PCED1A: variants seen among roughly 807,000 people sequenced by gnomAD.
PCED1A encodes PC-esterase domain-containing protein 1A.
PCED1A carries 20 observed loss-of-function variants against 41.9 expected under a neutral mutation model. The ratio of observed to expected loss-of-function variants is 0.48; its 90% confidence interval spans 0.34 to 0.69. The LOEUF is 0.69. Ranked by LOEUF, PCED1A falls within the 30% of genes least tolerant of loss-of-function variation. PCED1A has a pLI of 0.01. For synonymous variants in PCED1A, 236 were observed against 241.3 expected, an observed-to-expected ratio of 0.98 and a Z score of 0.20; for missense variants, 498 against 602.1, an observed-to-expected ratio of 0.83 and a Z score of 1.81.
chr20:2,839,394 C>G, intron 2 of PCED1A, 123 bp from the exon 3 acceptor site: 2 of 888,958 alleles, frequency 2.2e-6, no homozygotes, highest in South Asian at 3.1e-5. Flanking sequence ...TTGACTTAGA[C>G]GCAGGAGAAA....
chr20:2,839,171 T>C (rs1194259326), intron 3 of PCED1A, 21 bp downstream of exon 3: 11 of 1,587,674 alleles, frequency 6.9e-6, no homozygotes, highest in Non-Finnish European at 9.4e-6. Context: ...ACCACTGACA[T>C]GGCCACCAAG....
In PCED1A at chr20:2,838,010, A is replaced by G. The variant is rs1011191897; in HGVS notation, c.841+222T>C. Among the ~76,000 whole-genome samples, 3 of 152,202 alleles carry G rather than the reference A, an allele frequency of 2.0e-5. No homozygotes were observed. Among genetic ancestry groups the G allele is most frequent in the African/African-American group, 7.2e-5 (3 of 41,438 alleles). On this transcript the variant is annotated intron_variant, in intron 6 of 7. Coordinates refer to ENST00000360652, the MANE Select transcript of PCED1A (RefSeq NM_022760.6). The surrounding 1 kb of genome is among the most constrained non-coding windows in gnomAD (Gnocchi z 5.8). ...TGTACAAGCTCCTTCAAGCACACAG[A>G]AATGACTACACAGCCAGACTGTAGA...
rs1227921829 is a variant in PCED1A at position 2,839,922 on chromosome 20, A to G, written c.-10T>C. ...ACAGACAGAAGACCATGCCGCCACC[A>G]GCAACGACAGGCTGCAGGGAGAGGC... is the stretch of plus-strand genomic sequence containing the variant. On this transcript the variant is annotated 5_prime_UTR_variant, in exon 2 of 8. Coordinates refer to ENST00000360652, the MANE Select transcript of PCED1A (RefSeq NM_022760.6). 1 of 1,610,158 alleles carries G rather than the reference A, an allele frequency of 6.2e-7. No homozygotes were observed. The highest frequency in any genetic ancestry group is 1.7e-5 in the Admixed American group (1 of 59,836).
At position 2,839,240 on chromosome 20, in the gene PCED1A, G is replaced by C. The variant is rs201526729; in HGVS notation, c.156C>G (p.Leu52=). 6.2e-7 allele frequency: 1 copy of C among 1,614,000 alleles called. No individual in the cohort carries two copies. Among genetic ancestry groups the C allele is most frequent in the South Asian group, 1.1e-5 (1 of 91,070 alleles). The change falls in exon 3 of 8, where the codon CTC becomes CTG. Residue 52 remains leucine (L), a synonymous_variant. Transcript: ENST00000360652. ...IQRAVYKDLV[L]LLQKDSLLTA... Reference sequence around the variant, plus strand: ...TGAGCAGTGAGTCTTTCTGGAGCAAGAGCACCAGGTCCTTGTACACAGCCC... The same window carrying C: ...TGAGCAGTGAGTCTTTCTGGAGCAACAGCACCAGGTCCTTGTACACAGCCC...
chr20:2,835,638 G>T lies in PCED1A; in HGVS notation c.1189C>A (p.Gln397Lys), dbSNP rs2088812064. 6.2e-7 allele frequency: 1 copy of T among 1,606,200 alleles called. No homozygotes were observed. The highest frequency in any genetic ancestry group is 8.5e-7 in the Non-Finnish European group (1 of 1,174,122). ...PPIPGPNPHGQHWGPVVHRGM... is the reference protein window; with the variant it reads ...PPIPGPNPHGKHWGPVVHRGM... The stretch of plus-strand genomic sequence containing the variant: ...CGGTGGACCACTGGGCCCCAGTGCT[G>T]ACCATGGGGATTAGGGCCAGGGATT... The change falls in exon 8 of 8, where the codon CAG becomes AAG. Residue 397 changes from glutamine (Q) to lysine (K), a missense_variant. Coordinates refer to ENST00000360652, the MANE Select transcript of PCED1A (RefSeq NM_022760.6).
At chr20:2,839,694 A>G in intron 2 of PCED1A, 95 bp downstream of exon 2, 1 of 1,534,578 alleles carries the variant, frequency 6.5e-7, no homozygotes, top group Non-Finnish European at 8.9e-7. Flanking sequence ...ACCAGAAGAC[A>G]GACAAGAGAT....
At position 2,835,474 on chromosome 20, in the gene PCED1A, T is replaced by C. The variant is rs1324820602; in HGVS notation, c.1353A>G (p.Thr451=). 2 of 1,610,102 alleles carry C rather than the reference T, an allele frequency of 1.2e-6. No individual in the cohort carries two copies. Among genetic ancestry groups the C allele is most frequent in the African/African-American group, 1.3e-5 (1 of 74,900 alleles). ...LDRRPPAHSG[T]WPG ...CCCAAGATCCAGTCTACCCAGGCCA[T>C]GTCCCCGAATGGGCAGGAGGCCGTC... The change falls in exon 8 of 8, where the codon ACA becomes ACG. Residue 451 remains threonine, a synonymous_variant. Transcript: ENST00000360652.
rs757639891 is a variant in PCED1A at position 2,839,807 on chromosome 20, C to T, written c.106G>A (p.Val36Ile). The T allele has an allele frequency of 1.2e-6, 2 of 1,614,182 alleles. No individual in the cohort carries two copies. The highest frequency in any genetic ancestry group is 4.5e-5 in the East Asian group (2 of 44,880). ...CACTCACTGGAGTCCCCCAAGATGA[C>T]CACGAACTTGTTGTGTAGCAGCTGC... ...VQQLLHNKFV[V>I]ILGDSIQRAV... The change falls in exon 2 of 8, where the codon GTC becomes ATC. Residue 36 changes from valine (V) to isoleucine (I), a missense_variant. Val to Ile is a conservative substitution (Grantham distance 29). This residue lies in a region of PCED1A where 253 missense variants were observed against 369.7 expected (regional missense o/e 0.68). Transcript: ENST00000360652.
rs773982133 is a variant in PCED1A at position 2,839,845 on chromosome 20, G to A, written c.68C>T (p.Ala23Val). ...GTGTAGCAGCTGCTGGACTTCCGAG[G>A]CCTGGAAGTGGACCATGTCGCTTCG... The part of the protein sequence containing the change: ...PLRSDMVHFQ[A>V]SEVQQLLHNK... The change falls in exon 2 of 8, where the codon GCC (alanine) becomes GTC (valine). Residue 23 changes from alanine (A) to valine (V), a missense_variant. Ala to Val is a moderately conservative substitution (Grantham distance 64). Around this residue, in one of 2 missense-constraint regions of PCED1A, gnomAD observed 253 missense variants for 369.7 expected, o/e 0.68. Coordinates refer to ENST00000360652, the MANE Select transcript of PCED1A (RefSeq NM_022760.6). 6.2e-7 allele frequency: 1 copy of A among 1,614,206 alleles called. No homozygotes were observed. Among genetic ancestry groups the A allele is most frequent in the South Asian group, 1.1e-5 (1 of 91,084 alleles).
In PCED1A at chr20:2,838,634, G is replaced by C; in HGVS notation, c.556C>G (p.Leu186Val). Reference protein sequence around the residue: ...CLLVWNMAMPLGERITGGFLL... With the variant: ...CLLVWNMAMPVGERITGGFLL... ...AAACCCCCAGTGATACGTTCCCCGAGGGGCATCGCCATGTTCCACACCAGC... is the reference window on the plus strand; with the variant it reads ...AAACCCCCAGTGATACGTTCCCCGACGGGCATCGCCATGTTCCACACCAGC... The change falls in exon 5 of 8, where the codon CTC becomes GTC. Residue 186 changes from leucine to valine, a missense_variant. Coordinates refer to ENST00000360652, the MANE Select transcript of PCED1A (RefSeq NM_022760.6). The surrounding 1 kb of genome is among the most constrained non-coding windows in gnomAD (Gnocchi z 5.8). The C allele has an allele frequency of 6.2e-7, 1 of 1,614,208 alleles. No homozygotes were observed. Among genetic ancestry groups the C allele is most frequent in the Non-Finnish European group, 8.5e-7 (1 of 1,180,030 alleles).
At chr20:2,840,939 G>T (rs557116069), upstream of PCED1A, 224 of 1,050,360 alleles carry the variant, frequency 2.1e-4, 2 homozygotes, top group South Asian at 3.4e-3. Flanking sequence ...TCCGCCCCGC[G>T]CCGGCTCTCC....
rs1446267417 is a variant in PCED1A at position 2,835,453 on chromosome 20, A to T, written c.*9T>A. ...CATTGGCACATCCAGTCCCAGCCCA[A>T]GATCCAGTCTACCCAGGCCATGTCC... is the stretch of plus-strand genomic sequence containing the variant. On this transcript the variant is annotated 3_prime_UTR_variant, in exon 8 of 8. Transcript: ENST00000360652. 6.3e-7 allele frequency: 1 copy of T among 1,597,150 alleles called. No individual in the cohort carries two copies. The highest frequency in any genetic ancestry group is 8.6e-7 in the Non-Finnish European group (1 of 1,167,960).
In PCED1A at chr20:2,838,191, C is replaced by A. The variant is rs750304720; in HGVS notation, c.841+41G>T. The stretch of plus-strand genomic sequence containing the variant: ...GTTTCTGAGCCCTGTCCTCTGAGGG[C>A]CCCAGTGCATCACTACCCCCCCACT... On this transcript the variant is annotated intron_variant, in intron 6 of 7. Coordinates refer to ENST00000360652, the MANE Select transcript of PCED1A (RefSeq NM_022760.6). This position sits in a 1 kb window ranked among gnomAD's most constrained non-coding sequence, Gnocchi z 5.8. The A allele has an allele frequency of 2.5e-6, 4 of 1,612,336 alleles. No individual in the cohort carries two copies. In the South Asian group the frequency reaches 3.3e-5, roughly 13 times the overall value.
chr20:2,839,442 G>A (rs563850831), intron 2 of PCED1A, among the ~76,000 whole-genome samples, 171 bp from the exon 3 acceptor site: 1 of 152,198 alleles, frequency 6.6e-6, no homozygotes, highest in Non-Finnish European at 1.5e-5. Context: ...CCTCTGTTCT[G>A]TGTGCCTCCT....
chr20:2,839,080 C>T lies in PCED1A; in HGVS notation c.207G>A (p.Gly69=). ...LLTAAQLKAK[G]ELSFEQDQLV... is the part of the protein sequence containing the mutation. ...GCTGGTCCTGTTCAAAGCTCAGCTC[C>T]CCCTACCCACCCCCCCCACCCTACT... is the stretch of plus-strand genomic sequence containing the variant. The change falls in exon 4 of 8, where the codon GGG becomes GGA. Residue 69 remains glycine (G), a splice_region_variant and synonymous_variant. Coordinates refer to ENST00000360652, the MANE Select transcript of PCED1A (RefSeq NM_022760.6). 6.3e-7 allele frequency: 1 copy of T among 1,594,760 alleles called. No individual in the cohort carries two copies. The highest frequency in any genetic ancestry group is 8.6e-7 in the Non-Finnish European group (1 of 1,168,232).
Position 2,840,523 on chromosome 20 carries a change from G to C in PCED1A, c.-334C>G, listed in dbSNP as rs920374989. The C allele has an allele frequency of 5.4e-6, 3 of 559,396 alleles. No homozygotes were observed. Among genetic ancestry groups the C allele is most frequent in the Non-Finnish European group, 9.5e-6 (3 of 317,344 alleles). The allele number at this position is 559,396 out of a possible 1,614,324, so 34.7% of individuals were successfully genotyped here. A position where few individuals can be genotyped will look rare whatever the true frequency, so the allele number is the denominator to read the frequency against. ...CCGCCCTGAGCGACCCCCAGTGCCC[G>C]AAGGGAAAGCAAGGCGATGGAGGTG... On this transcript the variant is annotated 5_prime_UTR_variant, in exon 1 of 8. Transcript: ENST00000360652.
chr20:2,838,145 T>C lies in PCED1A; in HGVS notation c.841+87A>G. The C allele has an allele frequency of 1.3e-6, 2 of 1,589,036 alleles. No individual in the cohort carries two copies. The highest frequency in any genetic ancestry group is 1.7e-6 in the Non-Finnish European group (2 of 1,165,450). ...TCCTTCAAGGGACCTCTACTTCCCT[T>C]GAGTGGCTGTGTCCCATTCTGTTTC... On this transcript the variant is annotated intron_variant, in intron 6 of 7. Transcript: ENST00000360652. The surrounding 1 kb of genome is among the most constrained non-coding windows in gnomAD (Gnocchi z 5.8).
At chr20:2,839,968 G>C (rs751506059) in intron 1 of PCED1A, 35 bp from the exon 2 acceptor site, 1 of 1,567,808 alleles carries the variant, frequency 6.4e-7, no homozygotes, top group Non-Finnish European at 8.6e-7. Flanking sequence ...CGCGATGGTG[G>C]GGACTCTGGG....
Position 2,838,174 on chromosome 20 carries a change from G to A in PCED1A, c.841+58C>T. ...TGGCTGTGTCCCATTCTGTTTCTGAGCCCTGTCCTCTGAGGGCCCCAGTGC... is the reference window on the plus strand; with the variant it reads ...TGGCTGTGTCCCATTCTGTTTCTGAACCCTGTCCTCTGAGGGCCCCAGTGC... On this transcript the variant is annotated intron_variant, in intron 6 of 7. Transcript: ENST00000360652. The surrounding 1 kb of genome is among the most constrained non-coding windows in gnomAD (Gnocchi z 5.8). 2 of 1,610,036 alleles carry A rather than the reference G, an allele frequency of 1.2e-6. No homozygotes were observed. Among genetic ancestry groups the A allele is most frequent in the African/African-American group, 2.7e-5 (2 of 74,964 alleles).
Sources: gnomAD v4.1 joint callset for allele counts (sites outside exome capture counted in the v4.1 genomes callset) on GRCh38, gnomAD v4.1.1 for gene constraint, gnomAD v4.1.1 regional missense constraint, Gnocchi (gnomAD v3.1) non-coding constraint, MANE v1.5 for transcripts, NCBI Gene and HGNC (gene_info 2026-07-23, HGNC 2026-07-21) for gene names.